Variants in ORC3 observed in about 807,000 individuals in gnomAD.
ORC3 encodes origin recognition complex subunit 3.
ORC3 carries 78 observed loss-of-function variants against 100.7 expected under a neutral mutation model. The ratio of observed to expected loss-of-function variants is 0.77; its 90% CI spans 0.65 to 0.94. The LOEUF (loss-of-function observed/expected upper bound fraction) is 0.94. ORC3 is among the 40% of genes least tolerant of loss of function. The pLI, the probability that ORC3 is intolerant of heterozygous loss-of-function variation, is 0.00. For synonymous variants in ORC3, 295 were observed against 289.3 expected, an observed-to-expected ratio of 1.02 and a Z score of -0.20; for missense variants, 789 against 823.9, an observed-to-expected ratio of 0.96 and a Z score of 0.52.
chr6:87,672,239 CTG>C (rs1382079469), downstream of ORC3, among the ~76,000 whole-genome samples: 1 of 151,998 alleles, frequency 6.6e-6, no homozygotes, highest in African/African-American at 2.4e-5. Context: ...GGGTAATAAA[CTG>C]GAGGAAGTTT....
In ORC3 at chr6:87,638,940, T is replaced by A. The variant is rs1583109163; in HGVS notation, c.1382+2454T>A. Among the ~76,000 whole-genome samples the A allele has an allele frequency of 3.3e-5, 5 of 152,076 alleles. 1 individual carries two copies. In the South Asian group the frequency reaches 1.0e-3, roughly 32 times the overall value. ...GGGATACCAAGCAACTACAGATTGA[T>A]TGTCCATCTAGTTGGCCGAGATAGT... is the stretch of plus-strand genomic sequence containing the variant. On this transcript the variant is annotated intron_variant, in intron 13 of 19. Coordinates refer to ENST00000392844, the MANE Select transcript of ORC3 (RefSeq NM_012381.4).
intron 2 of ORC3, among the ~76,000 whole-genome samples, chr6:87,597,833 C>T (rs572241557): frequency 2.5e-3 from 380 of 151,930 alleles, no homozygotes; most frequent in Non-Finnish European, 4.4e-3. Context: ...GGATTACAGG[C>T]GTGAGTCACC....
intron 13 of ORC3, among the ~76,000 whole-genome samples, chr6:87,643,031 C>T (rs913500369): frequency 6.6e-6 from 1 of 152,122 alleles, no homozygotes; most frequent in African/African-American, 2.4e-5. Flanking sequence ...AGGGCCTTCA[C>T]AATTATCTGT....
chr6:87,675,399 G>C, the ORC3 span: 1 of 642,384 alleles, frequency 1.6e-6, no homozygotes, highest in African/African-American at 1.8e-5. Flanking sequence ...AGGTAGCAAA[G>C]GTCCACATCC....
Position 87,621,432 on chromosome 6 carries a change from A to G in ORC3, c.1066A>G (p.Asn356Asp), listed in dbSNP as rs760020988. Residue 356 changes from asparagine (N) to aspartate (D), a missense_variant, in exon 10 of 20, where the codon AAT becomes GAT. Transcript: ENST00000392844. ...TCTTCCAGAAGCCAAAAGAAGAATA[A>G]ATTTTTTATCAAATAATCAATGTGA... is the stretch of plus-strand genomic sequence containing the variant. ...CNLPEAKRRI[N>D]FLSNNQCENI... The G allele has an allele frequency of 6.2e-7, 1 of 1,602,950 alleles. No individual in the cohort carries two copies. Among genetic ancestry groups the G allele is most frequent in the African/African-American group, 1.3e-5 (1 of 74,140 alleles).
At chr6:87,622,988 G>A (rs1779641168) in intron 11 of ORC3, among the ~76,000 whole-genome samples, 1 of 152,146 alleles carries the variant, frequency 6.6e-6, no homozygotes, top group Non-Finnish European at 1.5e-5. Flanking sequence ...TGTAATGATA[G>A]TAAGATGAGA....
chr6:87,666,345 T>C (rs1272823305), intron 19 of ORC3, among the ~76,000 whole-genome samples: 1 of 151,754 alleles, frequency 6.6e-6, no homozygotes, highest in Admixed American at 6.6e-5. Flanking sequence ...TTGGCCAGGC[T>C]GGTCTCGAAC....
chr6:87,614,237 C>G lies in ORC3; in HGVS notation c.873+1989C>G, dbSNP rs114942595. Among the ~76,000 whole-genome samples, 891 of 152,270 alleles carry G rather than the reference C, an allele frequency of 5.9e-3. 6 individuals carry two copies. The highest frequency in any genetic ancestry group is 0.019 in the African/African-American group (773 of 41,558). ...GGCTTGCACTCTCTGAAGCCGTGGC[C>G]CGAACTTTGTGTTGGCCCTTTTCAG... On this transcript the variant is annotated intron_variant, in intron 8 of 19. Coordinates refer to ENST00000392844, the MANE Select transcript of ORC3 (RefSeq NM_012381.4).
intron 3 of ORC3, among the ~76,000 whole-genome samples, chr6:87,602,556 G>T (rs1204302149): frequency 6.6e-6 from 1 of 150,892 alleles, no homozygotes; most frequent in Non-Finnish European, 1.5e-5. Flanking sequence ...TATTACTGCC[G>T]CCTACCAGTC....
the ORC3 span, among the ~76,000 whole-genome samples, chr6:87,673,066 G>A: frequency 2.6e-5 from 4 of 151,458 alleles, no homozygotes; most frequent in Admixed American, 1.3e-4. Context: ...ATCAACTACC[G>A]GACCCATCTA....
chr6:87,638,107 G>A (rs1767962902), intron 13 of ORC3, among the ~76,000 whole-genome samples: 4 of 152,254 alleles, frequency 2.6e-5, no homozygotes, highest in Admixed American at 2.0e-4. Flanking sequence ...TCTGAGTACA[G>A]CAGAAGCAAA....
At chr6:87,675,578 C>A in the ORC3 span, 2 of 1,613,816 alleles carry the variant, frequency 1.2e-6, no homozygotes, top group Admixed American at 3.3e-5. Flanking sequence ...AGGCAGCCCA[C>A]AAATGCAGGA....
intron 16 of ORC3, among the ~76,000 whole-genome samples, chr6:87,658,400 T>C (rs1194035886): frequency 6.7e-6 from 1 of 150,346 alleles, no homozygotes; most frequent in Non-Finnish European, 1.5e-5. Flanking sequence ...GAGCTTGCAG[T>C]GAGCCAAGAT....
chr6:87,594,659 T>A, intron 2 of ORC3: 1 of 748,270 alleles, frequency 1.3e-6, no homozygotes, highest in Non-Finnish European at 1.7e-6. Flanking sequence ...TGCTATTCTT[T>A]AAAAGAGATT....
intron 2 of ORC3, among the ~76,000 whole-genome samples, chr6:87,597,680 T>TATATACAC (rs68075116): frequency 2.9e-5 from 4 of 138,436 alleles, no homozygotes; most frequent in African/African-American, 1.2e-4. Context: ...TATATATATA[T>TATATACAC]ACACACACAC....
intron 2 of ORC3, 33 bp downstream of exon 2, chr6:87,594,440 CT>C: frequency 6.5e-7 from 1 of 1,530,162 alleles, no homozygotes; most frequent in Non-Finnish European, 8.9e-7. Context: ...TTTTTATTCC[CT>C]ACCTTCTTAA....
At position 87,609,159 on chromosome 6, in the gene ORC3, G is replaced by A. The variant is rs199698250; in HGVS notation, c.643G>A (p.Val215Ile). 6.2e-7 allele frequency: 1 copy of A among 1,610,344 alleles called. No individual in the cohort carries two copies. Among genetic ancestry groups the A allele is most frequent in the East Asian group, 2.2e-5 (1 of 44,684 alleles). Reference protein sequence around the residue: ...TTSSQWQSPPVVVILKDMESF... With the variant: ...TTSSQWQSPPIVVILKDMESF... The stretch of plus-strand genomic sequence containing the variant: ...TTCTAGCCAATGGCAGTCTCCTCCT[G>A]TTGTCGTTATCTTGAAGGATATGGA... The change falls in exon 7 of 20, where the codon GTT (valine) becomes ATT (isoleucine). Residue 215 changes from valine to isoleucine, a missense_variant. By Grantham distance (29) the Val-to-Ile change is conservative (BLOSUM62 3). This residue lies in a region of ORC3 where 399 missense variants were observed against 382.0 expected (regional missense o/e 1.04). Coordinates refer to ENST00000392844, the MANE Select transcript of ORC3 (RefSeq NM_012381.4).
intron 19 of ORC3, among the ~76,000 whole-genome samples, chr6:87,666,542 G>A (rs968958984): frequency 1.1e-4 from 16 of 145,882 alleles, no homozygotes; most frequent in Non-Finnish European, 1.9e-4. Flanking sequence ...GGGTTCAAGC[G>A]ATTCTCCTGC....
chr6:87,622,625 T>C (rs942734392), intron 11 of ORC3, among the ~76,000 whole-genome samples: 2 of 151,500 alleles, frequency 1.3e-5, no homozygotes, highest in African/African-American at 4.9e-5. Flanking sequence ...GTATATAATA[T>C]ACAGTGAAAG....
Sources: allele counts gnomAD v4.1 joint callset (sites outside exome capture counted in the v4.1 genomes callset), GRCh38; gene constraint gnomAD v4.1.1; regional missense constraint gnomAD v4.1.1; transcripts MANE v1.5; gene names NCBI Gene and HGNC (gene_info 2026-07-23, HGNC 2026-07-21).